BACE1: variants seen among roughly 807,000 people sequenced by gnomAD.
BACE1 encodes the protein beta-secretase 1.
A neutral mutation model predicts 54.0 loss-of-function variants in BACE1; 21 were observed. That is an observed-to-expected ratio of 0.39 (90% CI 0.28 to 0.56). The LOEUF (loss-of-function observed/expected upper bound fraction) is 0.56, where lower values mean the gene tolerates loss of function less well. Among genes scored for constraint, BACE1 ranks in the 20% least tolerant of loss-of-function variants. BACE1 has a pLI of 0.63. For missense variants in BACE1, 511 were observed against 661.2 expected, an observed-to-expected ratio of 0.77 and a Z score of 2.49; for synonymous variants, 232 against 260.9, an observed-to-expected ratio of 0.89 and a Z score of 1.07.
chr11:117,294,337 C>T (rs1042366551), intron 3 of BACE1: 2 of 172,506 alleles, frequency 1.2e-5, no homozygotes, highest in East Asian at 3.3e-4. Context: ...GTGCCTCAGC[C>T]TCCTGAGTAG....
intron 6 of BACE1, among the ~76,000 whole-genome samples, chr11:117,291,262 G>C (rs1305486575): frequency 6.6e-6 from 1 of 151,880 alleles, no homozygotes; most frequent in East Asian, 1.9e-4. Flanking sequence ...CAAAGTGACA[G>C]CCATAAAGGG....
At chr11:117,307,676 C>G (rs1475734274) in intron 1 of BACE1, among the ~76,000 whole-genome samples, 2 of 152,154 alleles carry the variant, frequency 1.3e-5, no homozygotes, top group Non-Finnish European at 2.9e-5. Context: ...AAGAAGGGTT[C>G]CTGACCTTCC....
intron 1 of BACE1, among the ~76,000 whole-genome samples, chr11:117,310,334 G>A (rs1012627675): frequency 5.9e-5 from 9 of 152,198 alleles, no homozygotes; most frequent in African/African-American, 2.2e-4. Flanking sequence ...TTTTTTAGGT[G>A]TATGTTCTGA....
chr11:117,289,742 C>G lies in BACE1; in HGVS notation c.1330G>C (p.Gly444Arg). The change falls in exon 9 of 9, where the codon GGC becomes CGC. Residue 444 changes from glycine (G) to arginine (R), a missense_variant. Gly to Arg is a moderately radical substitution (Grantham distance 125). Around this residue, in one of 2 missense-constraint regions of BACE1, gnomAD observed 407 missense variants for 565.7 expected, o/e 0.72. Transcript: ENST00000313005. ...TCATCTGTCTGTGGAATGTTGTAGC[C>G]ACAGTCTTCCATGTCCAAGGTGACA... ...PFVTLDMEDC[G>R]YNIPQTDEST... 6.2e-7 allele frequency: 1 copy of G among 1,614,210 alleles called. No individual in the cohort carries two copies. Among genetic ancestry groups the G allele is most frequent in the Non-Finnish European group, 8.5e-7 (1 of 1,180,048 alleles).
In BACE1 at chr11:117,304,851, C is replaced by T. The variant is rs117400715; in HGVS notation, c.262-7890G>A. Among the ~76,000 whole-genome samples the T allele has an allele frequency of 4.4e-4, 67 of 152,160 alleles. 1 individual carries two copies. The Middle Eastern group carries it at 0.024, about 54-fold the overall frequency. Reference sequence around the variant, plus strand: ...TAGGGAGCATTTGTATTGCTTATTACCTAATTGTTACCTAGCCCTGAGTAG... The same window carrying T: ...TAGGGAGCATTTGTATTGCTTATTATCTAATTGTTACCTAGCCCTGAGTAG... On this transcript the variant is annotated intron_variant, in intron 1 of 8. Coordinates refer to ENST00000313005, the MANE Select transcript of BACE1 (RefSeq NM_012104.6).
chr11:117,308,514 A>C (rs560873833), intron 1 of BACE1, among the ~76,000 whole-genome samples: 1 of 151,672 alleles, frequency 6.6e-6, no homozygotes, highest in East Asian at 1.9e-4. Flanking sequence ...TTGAACCCCT[A>C]CTCTGTTCTT....
chr11:117,290,857 T>G, intron 7 of BACE1, 43 bp downstream of exon 7: 1 of 1,601,554 alleles, frequency 6.2e-7, no homozygotes, highest in Non-Finnish European at 8.5e-7. Flanking sequence ...TCTCCCAGTG[T>G]GTACTTTTAA....
intron 1 of BACE1, among the ~76,000 whole-genome samples, chr11:117,313,186 G>T (rs2034992905): frequency 6.6e-6 from 1 of 152,232 alleles, no homozygotes; most frequent in South Asian, 2.1e-4. Flanking sequence ...CCAGAGAGCA[G>T]AGACTGGCTG....
intron 1 of BACE1, among the ~76,000 whole-genome samples, chr11:117,307,738 C>T (rs1453796162): frequency 6.6e-6 from 1 of 152,176 alleles, no homozygotes; most frequent in Non-Finnish European, 1.5e-5. Context: ...CCCTCACTCC[C>T]AGCTAAACTC....
At chr11:117,301,104 C>T (rs1431482719) in intron 1 of BACE1, among the ~76,000 whole-genome samples, 1 of 152,164 alleles carries the variant, frequency 6.6e-6, no homozygotes, top group Non-Finnish European at 1.5e-5. Flanking sequence ...TCAAGTCAGC[C>T]TTCATCTTCT....
At position 117,315,537 on chromosome 11, in the gene BACE1, T is replaced by A; in HGVS notation, c.259A>T (p.Thr87Ser). The A allele has an allele frequency of 6.3e-7, 1 of 1,582,150 alleles. No individual in the cohort carries two copies. Among genetic ancestry groups the A allele is most frequent in the Non-Finnish European group, 8.6e-7 (1 of 1,166,572 alleles). The part of the protein sequence containing the change: ...VEMTVGSPPQ[T>S]LNILVDTGSS... ...AAGGGCTGGCCTGACCACCTTACCGTCTGCGGGGGGCTGCCCACGGTCATC... is the reference window on the plus strand; with the variant it reads ...AAGGGCTGGCCTGACCACCTTACCGACTGCGGGGGGCTGCCCACGGTCATC... Residue 87 changes from threonine (T) to serine (S), a missense_variant and splice_region_variant, in exon 1 of 9, where the codon ACG (threonine) becomes TCG (serine). Physicochemically the swap from Thr to Ser is moderately conservative, Grantham distance 58. Coordinates refer to ENST00000313005, the MANE Select transcript of BACE1 (RefSeq NM_012104.6). This position sits in a 1 kb window ranked among gnomAD's most constrained non-coding sequence, Gnocchi z 5.5.
rs1197951949 is a variant in BACE1, at chr11:117,289,667, A to G, written c.1405T>C (p.Phe469Leu). ...AYVMAAICAL[F>L]MLPLCLMVCQ... is the part of the protein sequence containing the mutation. ...ACCATGAGGCAGAGTGGCAGCATGA[A>G]GAGGGCGCAGATGGCAGCCATGACA... The change falls in exon 9 of 9, where the codon TTC becomes CTC. Residue 469 changes from phenylalanine (F) to leucine (L), a missense_variant. Coordinates refer to ENST00000313005, the MANE Select transcript of BACE1 (RefSeq NM_012104.6). 1 of 1,614,100 alleles carries G rather than the reference A, an allele frequency of 6.2e-7. No homozygotes were observed. Among genetic ancestry groups the G allele is most frequent in the Admixed American group, 1.7e-5 (1 of 60,004 alleles).
chr11:117,296,884 G>A lies in BACE1; in HGVS notation c.339C>T (p.Tyr113=). The A allele has an allele frequency of 6.2e-7, 1 of 1,613,212 alleles. No individual in the cohort carries two copies. The highest frequency in any genetic ancestry group is 1.7e-4 in the Middle Eastern group (1 of 6,050). Residue 113 remains tyrosine (Y), a synonymous_variant, in exon 2 of 9, where the codon TAC becomes TAT. Coordinates refer to ENST00000313005, the MANE Select transcript of BACE1 (RefSeq NM_012104.6). Reference sequence around the variant, plus strand: ...TCCCCAGGACTCACAGCTGCCTCTGGTAGTAGCGATGCAGGAAGGGGTGGG... The same window carrying A: ...TCCCCAGGACTCACAGCTGCCTCTGATAGTAGCGATGCAGGAAGGGGTGGG... ...AAPHPFLHRY[Y]QRQLSSTYRD... is the part of the protein sequence containing the mutation.
chr11:117,302,983 A>G (rs1279530118), intron 1 of BACE1, among the ~76,000 whole-genome samples: 3 of 152,248 alleles, frequency 2.0e-5, no homozygotes, highest in African/African-American at 7.2e-5. Context: ...AAATGTCTTT[A>G]GTGTTCTACT....
Position 117,289,480 on chromosome 11 carries a change from G to A in BACE1, c.*86C>T. ...GGGTCCTGAGGTGCTCTGGCCACAG[G>A]TGCCATCTGTGTCTCCTACTTGTGA... is the stretch of plus-strand genomic sequence containing the variant. On this transcript the variant is annotated 3_prime_UTR_variant, in exon 9 of 9. Transcript: ENST00000313005. The A allele has an allele frequency of 2.0e-6, 3 of 1,532,576 alleles. No individual in the cohort carries two copies. The highest frequency in any genetic ancestry group is 8.8e-7 in the Non-Finnish European group (1 of 1,138,216). The allele number at this position is 1,532,576 out of a possible 1,614,324, so 94.9% of individuals were successfully genotyped here.
Position 117,288,705 on chromosome 11 carries a change from T to C in BACE1, c.*861A>G, listed in dbSNP as rs1021471070. ...TCAGATAGAGACAATGAAATTAATATGGCAGAAATTCATGTGTTAAGTGGA... is the reference window on the plus strand; with the variant it reads ...TCAGATAGAGACAATGAAATTAATACGGCAGAAATTCATGTGTTAAGTGGA... On this transcript the variant is annotated 3_prime_UTR_variant, in exon 9 of 9. Coordinates refer to ENST00000313005, the MANE Select transcript of BACE1 (RefSeq NM_012104.6). 1.6e-4 allele frequency: 25 copies of C among 152,616 alleles called. No homozygotes were observed. Among genetic ancestry groups the C allele is most frequent in the African/African-American group, 6.0e-4 (25 of 41,578 alleles). 9.5% of individuals were successfully genotyped at this position (152,616 alleles called of 1,614,324 possible). A position where few individuals can be genotyped will look rare whatever the true frequency, so the allele number is the denominator to read the frequency against.
intron 1 of BACE1, among the ~76,000 whole-genome samples, chr11:117,298,915 C>T (rs934919943): frequency 6.6e-6 from 1 of 152,198 alleles, no homozygotes; most frequent in Non-Finnish European, 1.5e-5. Flanking sequence ...AAGTGATTCT[C>T]CTGTCTCAGT....
intron 2 of BACE1, chr11:117,295,734 A>T: frequency 7.0e-7 from 1 of 1,419,142 alleles, no homozygotes. Context: ...TGACTCTCTT[A>T]CTGCCTTGGA....
chr11:117,293,087 G>A lies in BACE1; in HGVS notation c.807C>T (p.Ile269=). The change falls in exon 5 of 9, where the codon ATC becomes ATT. Residue 269 remains isoleucine (I), a synonymous_variant. Coordinates refer to ENST00000313005, the MANE Select transcript of BACE1 (RefSeq NM_012104.6). The surrounding 1 kb of genome is among the most constrained non-coding windows in gnomAD (Gnocchi z 4.1). The part of the protein sequence containing the change: ...YYEVIIVRVE[I]NGQDLKMDCK... ...AGTCCATTTTCAGATCCTGTCCATTGATCTCCACCCGCACAATGATCACCT... is the reference window on the plus strand; with the variant it reads ...AGTCCATTTTCAGATCCTGTCCATTAATCTCCACCCGCACAATGATCACCT... 6.2e-7 allele frequency: 1 copy of A among 1,613,878 alleles called. No homozygotes were observed. Among genetic ancestry groups the A allele is most frequent in the Non-Finnish European group, 8.5e-7 (1 of 1,179,978 alleles).
Sources: allele counts gnomAD v4.1 joint callset (sites outside exome capture counted in the v4.1 genomes callset), GRCh38; gene constraint gnomAD v4.1.1; regional missense constraint gnomAD v4.1.1; non-coding constraint Gnocchi (gnomAD v3.1); transcripts MANE v1.5; gene names NCBI Gene and HGNC (gene_info 2026-07-23, HGNC 2026-07-21).